Variants in CLTB observed in about 807,000 individuals in gnomAD.
The protein encoded by CLTB is clathrin light chain B, also known as clathrin, light chain (Lcb).
CLTB carries 10 observed loss-of-function variants against 30.5 expected under a neutral mutation model. The observed-to-expected ratio is 0.33, with a 90% CI of 0.20 to 0.56. CLTB has a LOEUF of 0.56. CLTB is among the 20% of genes least tolerant of loss of function. The probability of loss-of-function intolerance (pLI) is 0.91; values close to 1 mark genes in which losing one functional copy is unlikely to be tolerated. For synonymous variants in CLTB, 102 were observed against 120.3 expected, an observed-to-expected ratio of 0.85 and a Z score of 1.00; for missense variants, 261 against 308.3, an observed-to-expected ratio of 0.85 and a Z score of 1.15.
intron 1 of CLTB, among the ~76,000 whole-genome samples, chr5:176,413,868 T>C (rs1757568124): frequency 2.0e-5 from 3 of 152,172 alleles, no homozygotes; most frequent in Admixed American, 2.0e-4. Context: ...TCAGCAGGTA[T>C]GCGCCTGGGA....
intron 1 of CLTB, among the ~76,000 whole-genome samples, chr5:176,412,042 G>T (rs1336338242): frequency 5.3e-5 from 8 of 152,002 alleles, no homozygotes; most frequent in East Asian, 3.9e-4. Flanking sequence ...CAGGCGTGGT[G>T]GCAGGCGCCT....
chr5:176,414,039 G>A (rs541208730), intron 1 of CLTB, among the ~76,000 whole-genome samples: 1 of 152,276 alleles, frequency 6.6e-6, no homozygotes, highest in African/African-American at 2.4e-5. Flanking sequence ...CACCATCCTG[G>A]GAGAGGCCAC....
At chr5:176,413,383 A>G (rs988148204) in intron 1 of CLTB, among the ~76,000 whole-genome samples, 3 of 152,250 alleles carry the variant, frequency 2.0e-5, no homozygotes, top group African/African-American at 7.2e-5. Flanking sequence ...CCTGGTGCTC[A>G]GAAAACTGGG....
At chr5:176,406,572 G>A in intron 2 of CLTB, 1 of 1,288,934 alleles carries the variant, frequency 7.8e-7, no homozygotes. Context: ...TGCAGAGGTG[G>A]GGAGGCGGAG....
intron 1 of CLTB, among the ~76,000 whole-genome samples, chr5:176,412,076 T>A (rs879396259): frequency 6.8e-6 from 1 of 147,882 alleles, no homozygotes; most frequent in Non-Finnish European, 1.5e-5. Flanking sequence ...CTCGGGAGGC[T>A]GAGGCAGGAG....
intron 2 of CLTB, among the ~76,000 whole-genome samples, chr5:176,403,238 C>A (rs769044277): frequency 6.6e-6 from 1 of 151,740 alleles, no homozygotes; most frequent in Non-Finnish European, 1.5e-5. Context: ...TTAGTAGAGA[C>A]GGGGTTTTGC....
intron 4 of CLTB, 106 bp from the exon 5 acceptor site, chr5:176,396,638 C>G: frequency 1.2e-6 from 1 of 800,844 alleles, no homozygotes. Flanking sequence ...ATTAGTACCT[C>G]CAGTGGGAGA....
At chr5:176,396,892 G>GC (rs1442052657) in intron 4 of CLTB, among the ~76,000 whole-genome samples, 1 of 152,024 alleles carries the variant, frequency 6.6e-6, no homozygotes, top group African/African-American at 2.4e-5. Flanking sequence ...GCCCCCTGTT[G>GC]CCTAATACAT....
chr5:176,393,013 C>A lies in CLTB; in HGVS notation c.519-68G>T, dbSNP rs1756328461. 6.4e-7 allele frequency: 1 copy of A among 1,574,252 alleles called. No homozygotes were observed. Among genetic ancestry groups the A allele is most frequent in the South Asian group, 1.1e-5 (1 of 89,538 alleles). On this transcript the variant is annotated intron_variant, in intron 5 of 5. Transcript: ENST00000310418. The surrounding 1 kb of genome is among the most constrained non-coding windows in gnomAD (Gnocchi z 4.4). The stretch of plus-strand genomic sequence containing the variant: ...CCCCCAGCCTTGCCCTTGAGCAAGG[C>A]TGCTTTGCCCAGCCTACTCTGGGGC...
At chr5:176,415,152 G>A (rs984024001) in intron 1 of CLTB, among the ~76,000 whole-genome samples, 3 of 152,162 alleles carry the variant, frequency 2.0e-5, no homozygotes, top group Non-Finnish European at 2.9e-5. Context: ...CATTGATAAA[G>A]ATGATTTCAC....
Position 176,412,174 on chromosome 5 carries a change from CAA to C in CLTB, c.188-1873_188-1872del, listed in dbSNP as rs546824950. ...CTGGGCGACAGAGTGAGACTCATCT[CAA>C]AAAAAAAAAAAAAAAAAGAATGCTT... On this transcript the variant is annotated intron_variant, in intron 1 of 5. Coordinates refer to ENST00000310418, the MANE Select transcript of CLTB (RefSeq NM_007097.5). 4.5e-3 allele frequency among the ~76,000 whole-genome samples: 367 copies of C among 82,394 alleles called. 1 individual carries two copies. The highest frequency in any genetic ancestry group is 0.015 in the African/African-American group (325 of 21,522). The allele number at this position is 82,394 out of a possible 152,430, so 54.1% of individuals were successfully genotyped here. A position where few individuals can be genotyped will look rare whatever the true frequency, so the allele number is the denominator to read the frequency against.
At chr5:176,397,756 C>G (rs1756615465) in intron 3 of CLTB, 38 bp from the exon 4 acceptor site, 1 of 1,591,158 alleles carries the variant, frequency 6.3e-7, no homozygotes, top group Non-Finnish European at 8.6e-7. Context: ...TGCTTTCCAG[C>G]TGGGATGCAC....
rs1337426418 is a variant in CLTB at position 176,406,753 on chromosome 5, A to T, written c.234+3504T>A. ...AGGAAGCACAAAAGCTCTGTCTGGG[A>T]TCCTTGAAAGTGTTGGGTGTGCACA... is the stretch of plus-strand genomic sequence containing the variant. On this transcript the variant is annotated intron_variant, in intron 2 of 5. Transcript: ENST00000310418. The T allele has an allele frequency of 2.4e-6, 3 of 1,257,264 alleles. No homozygotes were observed. In the Admixed American group the frequency reaches 7.4e-5, roughly 31 times the overall value. The allele number at this position is 1,257,264 out of a possible 1,614,324, so 77.9% of individuals were successfully genotyped here.
At chr5:176,404,168 G>A (rs994635209) in intron 2 of CLTB, among the ~76,000 whole-genome samples, 2 of 152,216 alleles carry the variant, frequency 1.3e-5, no homozygotes, top group African/African-American at 2.4e-5. Context: ...GGTGTGACTC[G>A]CCACATAGTA....
intron 2 of CLTB, chr5:176,406,788 T>C (rs1468233321): frequency 9.0e-7 from 1 of 1,110,310 alleles, no homozygotes; most frequent in East Asian, 6.2e-5. Flanking sequence ...AGGCCAAGGT[T>C]TCTCCTCCCC....
At chr5:176,411,722 G>A (rs59849005) in intron 1 of CLTB, among the ~76,000 whole-genome samples, 1,980 of 152,216 alleles carry the variant, frequency 0.013, 35 homozygotes, top group African/African-American at 0.046. Flanking sequence ...TGCCAGATAA[G>A]TACATCTAAC....
At position 176,392,751 on chromosome 5, in the gene CLTB, G is replaced by A. The variant is rs372196026; in HGVS notation, c.*23C>T. 27 of 1,612,594 alleles carry A rather than the reference G, an allele frequency of 1.7e-5. No individual in the cohort carries two copies. The highest frequency in any genetic ancestry group is 2.1e-5 in the Non-Finnish European group (25 of 1,179,428). On this transcript the variant is annotated 3_prime_UTR_variant, in exon 6 of 6. Transcript: ENST00000310418. This position sits in a 1 kb window ranked among gnomAD's most constrained non-coding sequence, Gnocchi z 5.2. ...TGTGCCCAGGCCCAGCCCATGCTCT[G>A]TGGCCATGCACCTAGCAGGCACCTA...
rs1756308674 is a variant in CLTB at position 176,392,677 on chromosome 5, G to A, written c.*97C>T. 1.4e-6 allele frequency: 2 copies of A among 1,400,912 alleles called. No homozygotes were observed. The highest frequency in any genetic ancestry group is 1.4e-5 in the African/African-American group (1 of 71,178). 86.8% of individuals were successfully genotyped at this position (1,400,912 alleles called of 1,614,324 possible). On this transcript the variant is annotated 3_prime_UTR_variant, in exon 6 of 6. Transcript: ENST00000310418. The surrounding 1 kb of genome is among the most constrained non-coding windows in gnomAD (Gnocchi z 5.2). ...ATGGGGAGGAGTGGAATAGGCTGTG[G>A]GTAGCAGCTGCTGCGAGTCTCCACC...
chr5:176,396,535 TGA>T lies in CLTB; in HGVS notation c.465-5_465-4del. On this transcript the variant is annotated splice_polypyrimidine_tract_variant and splice_region_variant and intron_variant, in intron 4 of 5. Coordinates refer to ENST00000310418, the MANE Select transcript of CLTB (RefSeq NM_007097.5). Reference sequence around the variant, plus strand: ...GGTAGAATGCTTTGTCAGCGATCCTTGAGGGAAAGGTTGAGGGAAGGGGTTAG... The same window carrying T: ...GGTAGAATGCTTTGTCAGCGATCCTTGGGAAAGGTTGAGGGAAGGGGTTAG... The T allele has an allele frequency of 6.2e-7, 1 of 1,612,674 alleles. No homozygotes were observed. The highest frequency in any genetic ancestry group is 8.5e-7 in the Non-Finnish European group (1 of 1,179,294).
Sources: gnomAD v4.1 joint callset for allele counts (sites outside exome capture counted in the v4.1 genomes callset) on GRCh38, gnomAD v4.1.1 for gene constraint, Gnocchi (gnomAD v3.1) non-coding constraint, MANE v1.5 for transcripts, NCBI Gene and HGNC (gene_info 2026-07-23, HGNC 2026-07-21) for gene names.